Variants in CSMD1 observed in about 807,000 individuals in gnomAD.
CSMD1 encodes CUB and Sushi multiple domains 1.
CSMD1 carries 213 observed loss-of-function variants against 417.5 expected under a neutral mutation model. That is an observed-to-expected ratio of 0.51 (90% CI 0.46 to 0.57). CSMD1 has a LOEUF of 0.57. CSMD1 is among the 20% of genes least tolerant of loss of function. The pLI is 0.00. For missense variants in CSMD1, 6,923 were observed against 4,529.7 expected, an observed-to-expected ratio of 1.53 and a Z score of -15.17; for synonymous variants, 2,862 against 1,736.8, an observed-to-expected ratio of 1.65 and a Z score of -16.11.
intron 4 of CSMD1, among the ~76,000 whole-genome samples, chr8:4,006,682 C>T (rs1024308448): frequency 6.6e-6 from 1 of 152,180 alleles, no homozygotes; most frequent in Non-Finnish European, 1.5e-5. Flanking sequence ...TTAATCTGCA[C>T]ATGCAGATGG....
chr8:4,732,380 TGTAG>T (rs1228664069), intron 1 of CSMD1, among the ~76,000 whole-genome samples: 8 of 147,084 alleles, frequency 5.4e-5, no homozygotes, highest in African/African-American at 2.1e-4. Context: ...TGTGTGTGTG[TGTAG>T]TGTTTTTCCC....
At chr8:3,235,915 A>ATTTTTTTTTTT (rs1340103129) in intron 26 of CSMD1, among the ~76,000 whole-genome samples, 7 of 74,518 alleles carry the variant, frequency 9.4e-5, no homozygotes, top group Admixed American at 3.8e-4. Context: ...TGAAGATGTA[A>ATTTTTTTTTTT]GTTTTTTTTT....
At chr8:4,851,564 A>G (rs1801484655) in intron 1 of CSMD1, among the ~76,000 whole-genome samples, 1 of 152,038 alleles carries the variant, frequency 6.6e-6, no homozygotes, top group Non-Finnish European at 1.5e-5. Flanking sequence ...TTCAGAACCT[A>G]TGACCTGTAT....
chr8:4,023,542 T>C (rs1052444578), intron 4 of CSMD1, among the ~76,000 whole-genome samples: 1 of 151,848 alleles, frequency 6.6e-6, no homozygotes, highest in African/African-American at 2.4e-5. Context: ...CTGAGCAATA[T>C]TCACGCACTT....
intron 12 of CSMD1, among the ~76,000 whole-genome samples, chr8:3,462,793 G>T (rs182071647): frequency 6.6e-6 from 1 of 151,616 alleles, no homozygotes; most frequent in South Asian, 2.1e-4. Context: ...AAAGGCTGGG[G>T]ACTCTTATCT....
intron 3 of CSMD1, among the ~76,000 whole-genome samples, chr8:4,040,775 G>C (rs1165700684): frequency 6.6e-6 from 1 of 152,174 alleles, no homozygotes. Flanking sequence ...AAATGGATTT[G>C]AAACCTAGAG....
At position 4,558,835 on chromosome 8, in the gene CSMD1, T is replaced by G. The variant is rs144576877; in HGVS notation, c.302+78507A>C. Among the ~76,000 whole-genome samples the G allele has an allele frequency of 4.2e-4, 64 of 152,230 alleles. No homozygotes were observed. In the East Asian group the frequency reaches 0.012, roughly 28 times the overall value. On this transcript the variant is annotated intron_variant, in intron 2 of 69. Transcript: ENST00000635120. The stretch of plus-strand genomic sequence containing the variant: ...GTGAATGGAGATCGTGCCACTGCAC[T>G]CCAGACTGGGCAACAAAGTGAGACT...
At chr8:4,465,495 G>C (rs1800111076) in intron 2 of CSMD1, among the ~76,000 whole-genome samples, 1 of 152,084 alleles carries the variant, frequency 6.6e-6, no homozygotes, top group Admixed American at 6.5e-5. Context: ...GTCCTCCCAA[G>C]AGGTGACTTA....
At chr8:3,692,810 A>C (rs1329073306) in intron 7 of CSMD1, among the ~76,000 whole-genome samples, 1 of 152,188 alleles carries the variant, frequency 6.6e-6, no homozygotes, top group East Asian at 1.9e-4. Flanking sequence ...TCTGGACCCT[A>C]ATATGCATGG....
intron 1 of CSMD1, among the ~76,000 whole-genome samples, chr8:4,758,582 G>C (rs1174148889): frequency 1.3e-5 from 2 of 152,146 alleles, no homozygotes; most frequent in Non-Finnish European, 2.9e-5. Flanking sequence ...GCTATACCAA[G>C]ACTTGGCAAT....
rs62501081 is a variant in CSMD1, at chr8:4,137,406, G to C, written c.416-105307C>G. ...GATTAATGAAGAACAGAAAACAAAA[G>C]TTATCGCTTGTGTTTAATAATGAAA... On this transcript the variant is annotated intron_variant, in intron 3 of 69. Coordinates refer to ENST00000635120, the MANE Select transcript of CSMD1 (RefSeq NM_033225.6). Among the ~76,000 whole-genome samples, 200 of 77,810 alleles carry C rather than the reference G, an allele frequency of 2.6e-3. 47 individuals are homozygous for C. Among genetic ancestry groups the C allele is most frequent in the Non-Finnish European group, 6.4e-3 (161 of 25,324 alleles). 51.0% of individuals were successfully genotyped at this position (77,810 alleles called of 152,430 possible).
At chr8:4,843,067 T>C (rs1800932279) in intron 1 of CSMD1, among the ~76,000 whole-genome samples, 1 of 152,202 alleles carries the variant, frequency 6.6e-6, no homozygotes, top group African/African-American at 2.4e-5. Flanking sequence ...ATTTACTCTC[T>C]TAAAGCTAAA....
chr8:4,967,257 A>G (rs1458441029), intron 1 of CSMD1, among the ~76,000 whole-genome samples: 1 of 152,208 alleles, frequency 6.6e-6, no homozygotes, highest in Non-Finnish European at 1.5e-5. Flanking sequence ...ACTTAGGTTG[A>G]GTTTTTATCA....
intron 3 of CSMD1, among the ~76,000 whole-genome samples, chr8:4,242,687 G>A (rs899205079): frequency 2.7e-5 from 4 of 150,016 alleles, no homozygotes; most frequent in East Asian, 2.0e-4. Flanking sequence ...CCAATCCAGG[G>A]CTCACTCTGC....
At chr8:4,293,627 T>C (rs1386226350) in intron 3 of CSMD1, among the ~76,000 whole-genome samples, 1 of 152,186 alleles carries the variant, frequency 6.6e-6, no homozygotes, top group African/African-American at 2.4e-5. Flanking sequence ...ATCGTGTATT[T>C]TGACTGTAAG....
chr8:3,603,707 T>C (rs1378621672), intron 8 of CSMD1, among the ~76,000 whole-genome samples: 1 of 152,222 alleles, frequency 6.6e-6, no homozygotes, highest in Non-Finnish European at 1.5e-5. Context: ...CATTATAGTT[T>C]CCAAATTTTC....
chr8:3,301,240 G>C (rs1043955465), intron 25 of CSMD1, among the ~76,000 whole-genome samples: 1 of 152,006 alleles, frequency 6.6e-6, no homozygotes, highest in African/African-American at 2.4e-5. Flanking sequence ...TGGGTGCAAG[G>C]CAGCGTTTGC....
intron 5 of CSMD1, among the ~76,000 whole-genome samples, chr8:3,871,047 G>C (rs1287171688): frequency 6.6e-6 from 1 of 151,432 alleles, no homozygotes; most frequent in African/African-American, 2.4e-5. Flanking sequence ...CTCCATCTTT[G>C]TGTATTATTC....
At position 3,910,410 on chromosome 8, in the gene CSMD1, G is replaced by A. The variant is rs569971681; in HGVS notation, c.818+87493C>T. 1.2e-4 allele frequency among the ~76,000 whole-genome samples: 19 copies of A among 152,242 alleles called. 1 individual carries two copies. Among genetic ancestry groups the A allele is most frequent in the East Asian group, 3.9e-4 (2 of 5,172 alleles). On this transcript the variant is annotated intron_variant, in intron 5 of 69. Transcript: ENST00000635120. ...CTCTGAAGATGCTGCCCTGTCTGCC[G>A]TCAAGACGCTTAATCCCTTCATAAA...
Sources: allele counts gnomAD v4.1 joint callset (sites outside exome capture counted in the v4.1 genomes callset), GRCh38; gene constraint gnomAD v4.1.1; transcripts MANE v1.5; gene names NCBI Gene and HGNC (gene_info 2026-07-23, HGNC 2026-07-21).